MRM2: variants seen among roughly 807,000 people sequenced by gnomAD.
MRM2 encodes the protein mitochondrial rRNA methyltransferase 2, also known as rRNA methyltransferase 2, mitochondrial.
Under a neutral mutation model 10.9 loss-of-function variants are expected in MRM2, and 15 were observed. The ratio of observed to expected loss-of-function variants is 1.37; its 90% CI spans 0.92 to 2.11. The LOEUF (loss-of-function observed/expected upper bound fraction) is 2.11. MRM2 is among the 30% of genes most tolerant of loss of function. The probability of loss-of-function intolerance (pLI) is 0.00; values close to 1 mark genes in which losing one functional copy is unlikely to be tolerated. For synonymous variants in MRM2, 139 were observed against 128.7 expected (o/e 1.08, Z -0.54); for missense variants, 328 against 321.3 (o/e 1.02, Z -0.16).
rs755823230 is a variant in MRM2 at position 2,234,814 on chromosome 7, G to A, written c.*308C>T. 16 of 379,668 alleles carry A rather than the reference G, an allele frequency of 4.2e-5. No homozygotes were observed. The highest frequency in any genetic ancestry group is 3.0e-4 in the South Asian group (10 of 33,784). 23.5% of individuals were successfully genotyped at this position (379,668 alleles called of 1,614,324 possible). A position where few individuals can be genotyped will look rare whatever the true frequency, so the allele number is the denominator to read the frequency against. ...TGGGCACACCCATCCCTGCCTCGGC[G>A]GATTCCTTCTGATCCTTCCCACAGT... On this transcript the variant is annotated 3_prime_UTR_variant, in exon 3 of 3. Transcript: ENST00000242257.
chr7:2,239,089 A>G, intron 2 of MRM2: 1 of 748,886 alleles, frequency 1.3e-6, no homozygotes, highest in Non-Finnish European at 2.5e-6. Context: ...AATTAGCAAG[A>G]AAAGTATGGC....
At position 2,239,710 on chromosome 7, in the gene MRM2, G is replaced by A. The variant is rs371324159; in HGVS notation, c.9-3C>T. ...AAACACACACCAGCTTCAAGTACCTGGTGGGAGAGAAGAGGAGCAGGCAGG... is the reference window on the plus strand; with the variant it reads ...AAACACACACCAGCTTCAAGTACCTAGTGGGAGAGAAGAGGAGCAGGCAGG... On this transcript the variant is annotated splice_region_variant and splice_polypyrimidine_tract_variant and intron_variant, in intron 1 of 2. Coordinates refer to ENST00000242257, the MANE Select transcript of MRM2 (RefSeq NM_013393.3). 2.5e-6 allele frequency: 4 copies of A among 1,609,112 alleles called. No homozygotes were observed. Among genetic ancestry groups the A allele is most frequent in the African/African-American group, 2.7e-5 (2 of 74,824 alleles).
rs1229590286 is a variant in MRM2 at position 2,235,356 on chromosome 7, C to A, written c.507G>T (p.Arg169Ser). ...GAAGGGTCAGGCACAGGCTGATGAG[C>A]CTGTCATGATCGAGGTCCCGGAACC... The part of the protein sequence containing the change: ...ATGFRDLDHD[R>S]LISLCLTLLS... Residue 169 changes from arginine to serine, a missense_variant, in exon 3 of 3, where the codon AGG becomes AGT. Physicochemically the swap from Arg to Ser is moderately radical, Grantham distance 110 (BLOSUM62 -1). Coordinates refer to ENST00000242257, the MANE Select transcript of MRM2 (RefSeq NM_013393.3). 4 of 1,613,972 alleles carry A rather than the reference C, an allele frequency of 2.5e-6. No homozygotes were observed. The highest frequency in any genetic ancestry group is 2.7e-5 in the African/African-American group (2 of 74,922).
chr7:2,238,997 ATATATATATATATATATATATATATATAT>A (rs1422544713), intron 2 of MRM2: 816 of 71,162 alleles, frequency 0.011, 71 homozygotes, highest in African/African-American at 0.059. Flanking sequence ...ATATATATAT[ATATATATATATATATATATATATATATAT>A]ATAATACATA....
chr7:2,237,480 G>T (rs1794438369), intron 2 of MRM2, among the ~76,000 whole-genome samples: 1 of 152,068 alleles, frequency 6.6e-6, no homozygotes, highest in South Asian at 2.1e-4. Context: ...AGGCACGCTG[G>T]GCCACTCTCC....
In MRM2 at chr7:2,239,659, A is replaced by G. The variant is rs758034545; in HGVS notation, c.57T>C (p.Thr19=). 9 of 1,613,930 alleles carry G rather than the reference A, an allele frequency of 5.6e-6. No individual in the cohort carries two copies. The highest frequency in any genetic ancestry group is 1.3e-5 in the African/African-American group (1 of 74,906). The change falls in exon 2 of 3, where the codon ACT becomes ACC. Residue 19 remains threonine, a synonymous_variant. Transcript: ENST00000242257. Reference sequence around the variant, plus strand: ...TCCGATTCTTGCAGCGACTCCCAACAGTGTGGAACCCTTGACGCTGAAAGG... The same window carrying G: ...TCCGATTCTTGCAGCGACTCCCAACGGTGTGGAACCCTTGACGCTGAAAGG... The part of the protein sequence containing the change: ...CVSFQRQGFH[T]VGSRCKNRTG...
chr7:2,234,583 G>A lies in MRM2; in HGVS notation c.*539C>T, dbSNP rs1449124546. The stretch of plus-strand genomic sequence containing the variant: ...TTGCCCAGGTTGGTCTTGAACTCCT[G>A]ACTTCAAGCAATCCCCCAGCCTCAG... On this transcript the variant is annotated 3_prime_UTR_variant, in exon 3 of 3. Coordinates refer to ENST00000242257, the MANE Select transcript of MRM2 (RefSeq NM_013393.3). The A allele has an allele frequency of 1.3e-5, 2 of 155,400 alleles. No homozygotes were observed. The highest frequency in any genetic ancestry group is 1.4e-5 in the Non-Finnish European group (1 of 69,952). The allele number at this position is 155,400 out of a possible 1,614,324, so 9.6% of individuals were successfully genotyped here. A position where few individuals can be genotyped will look rare whatever the true frequency, so the allele number is the denominator to read the frequency against.
Position 2,235,555 on chromosome 7 carries a change from G to A in MRM2, c.308C>T (p.Ser103Phe). 6.2e-7 allele frequency: 1 copy of A among 1,606,518 alleles called. No homozygotes were observed. Among genetic ancestry groups the A allele is most frequent in the Non-Finnish European group, 8.5e-7 (1 of 1,175,132 alleles). ...KVNAAGTDPS[S>F]PVGFVLGVDL... ...TACCCCAAGCACGAAGCCAACAGGA[G>A]AGCTGGGATCTATGGAAGAAATGGT... Residue 103 changes from serine (S) to phenylalanine (F), a missense_variant, in exon 3 of 3, where the codon TCT becomes TTT. Physicochemically the swap from Ser to Phe is radical, Grantham distance 155. Coordinates refer to ENST00000242257, the MANE Select transcript of MRM2 (RefSeq NM_013393.3).
In MRM2 at chr7:2,235,436, G is replaced by A. The variant is rs1463405314; in HGVS notation, c.427C>T (p.Leu143Phe). The change falls in exon 3 of 3, where the codon CTT (leucine) becomes TTT (phenylalanine). Residue 143 changes from leucine to phenylalanine, a missense_variant. Physicochemically the swap from Leu to Phe is conservative, Grantham distance 22 (BLOSUM62 0). Transcript: ENST00000242257. ...ATCACATCTGCTCTCCTGCCAGGAA[G>A]CACCTCGAGGATTCTCTGTGAGGTT... ...PRTSQRILEV[L>F]PGRRADVILS... is the part of the protein sequence containing the mutation. The A allele has an allele frequency of 6.2e-6, 10 of 1,614,094 alleles. No homozygotes were observed. Among genetic ancestry groups the A allele is most frequent in the Admixed American group, 1.7e-5 (1 of 60,012 alleles).
chr7:2,241,953 C>CGCCGGCCCT, intron 1 of MRM2: 2 of 505,942 alleles, frequency 4.0e-6, no homozygotes, highest in Non-Finnish European at 6.7e-6. Flanking sequence ...CCCACGGCCC[C>CGCCGGCCCT]GCCGGCCCTG....
chr7:2,241,984 C>A (rs1794555239), intron 1 of MRM2, 178 bp downstream of exon 1: 1 of 626,896 alleles, frequency 1.6e-6, no homozygotes, highest in Non-Finnish European at 2.5e-6. Context: ...CCTGAGGGCG[C>A]CCTCCTCCCG....
intron 2 of MRM2, among the ~76,000 whole-genome samples, chr7:2,235,965 C>T (rs1211291139): frequency 6.6e-6 from 1 of 152,256 alleles, no homozygotes; most frequent in Non-Finnish European, 1.5e-5. Context: ...CCCAGTGGCT[C>T]ACACCTATAA....
At chr7:2,239,380 G>A (rs1794478510) in intron 2 of MRM2, 38 bp downstream of exon 2, 2 of 1,574,832 alleles carry the variant, frequency 1.3e-6, no homozygotes, top group Non-Finnish European at 1.7e-6. Flanking sequence ...TCAGCCTCAG[G>A]GGAGCCAGAA....
chr7:2,235,927 G>A (rs1057282963), intron 2 of MRM2, among the ~76,000 whole-genome samples: 3 of 152,122 alleles, frequency 2.0e-5, no homozygotes, highest in Admixed American at 6.5e-5. Flanking sequence ...TGCTCTTTTT[G>A]ATAAACTAAA....
In MRM2 at chr7:2,235,385, T is replaced by C; in HGVS notation, c.478A>G (p.Thr160Ala). ...TCATGATCGAGGTCCCGGAACCCTG[T>C]GGCATTGGGCGCCATGTCGCTCAGA... ...VILSDMAPNA[T>A]GFRDLDHDRL... Residue 160 changes from threonine to alanine, a missense_variant, in exon 3 of 3, where the codon ACA (threonine) becomes GCA (alanine). Physicochemically the swap from Thr to Ala is moderately conservative, Grantham distance 58 (BLOSUM62 0). Coordinates refer to ENST00000242257, the MANE Select transcript of MRM2 (RefSeq NM_013393.3). 3 of 1,614,078 alleles carry C rather than the reference T, an allele frequency of 1.9e-6. No individual in the cohort carries two copies. Among genetic ancestry groups the C allele is most frequent in the Non-Finnish European group, 2.5e-6 (3 of 1,180,016 alleles).
chr7:2,240,828 G>A (rs956696985), intron 1 of MRM2, among the ~76,000 whole-genome samples: 1 of 152,060 alleles, frequency 6.6e-6, no homozygotes, highest in Non-Finnish European at 1.5e-5. Flanking sequence ...CCAAGTAGCT[G>A]GGATTACAGG....
rs775504312 is a variant in MRM2 at position 2,239,627 on chromosome 7, G to C, written c.89C>G (p.Ala30Gly). 5 of 1,613,996 alleles carry C rather than the reference G, an allele frequency of 3.1e-6. No homozygotes were observed. The highest frequency in any genetic ancestry group is 4.2e-6 in the Non-Finnish European group (5 of 1,180,030). Residue 30 changes from alanine (A) to glycine (G), a missense_variant, in exon 2 of 3, where the codon GCT becomes GGT. Ala to Gly is a moderately conservative substitution (Grantham distance 60). Transcript: ENST00000242257. ...ATGTCGGGTCAGCCACAGGTGCTCAGCGCCTGTCCGATTCTTGCAGCGACT... is the reference window on the plus strand; with the variant it reads ...ATGTCGGGTCAGCCACAGGTGCTCACCGCCTGTCCGATTCTTGCAGCGACT... ...VGSRCKNRTG[A>G]EHLWLTRHLR...
chr7:2,237,819 A>G (rs1301390787), intron 2 of MRM2, among the ~76,000 whole-genome samples: 2 of 147,252 alleles, frequency 1.4e-5, no homozygotes, highest in Non-Finnish European at 3.0e-5. Context: ...TAAACACAGG[A>G]GGCAAAGATT....
In MRM2 at chr7:2,239,715, GAGAGA is replaced by G. The variant is rs759338271; in HGVS notation, c.9-13_9-9del. ...CACACCAGCTTCAAGTACCTGGTGG[GAGAGA>G]AGAGGAGCAGGCAGGTTGGCATCAC... On this transcript the variant is annotated splice_polypyrimidine_tract_variant and intron_variant, in intron 1 of 2. Coordinates refer to ENST00000242257, the MANE Select transcript of MRM2 (RefSeq NM_013393.3). The G allele has an allele frequency of 2.9e-5, 47 of 1,608,002 alleles. No individual in the cohort carries two copies. In the African/African-American group the frequency reaches 6.0e-4, roughly 21 times the overall value.
Sources: gnomAD v4.1 joint callset for allele counts (sites outside exome capture counted in the v4.1 genomes callset) on GRCh38, gnomAD v4.1.1 for gene constraint, MANE v1.5 for transcripts, NCBI Gene and HGNC (gene_info 2026-07-23, HGNC 2026-07-21) for gene names.